Variants in GABRG3 observed in about 807,000 individuals in gnomAD.
The protein encoded by GABRG3 is gamma-aminobutyric acid type A receptor subunit gamma3.
In GABRG3, 25 loss-of-function variants were observed where a neutral mutation model predicts 48.8. The ratio of observed to expected loss-of-function variants is 0.51; its 90% CI spans 0.37 to 0.72. The LOEUF (loss-of-function observed/expected upper bound fraction) is 0.72. Ranked by LOEUF, GABRG3 falls within the 30% of genes least tolerant of loss-of-function variation. GABRG3 has a pLI of 0.00. For missense variants in GABRG3, 394 were observed against 577.9 expected, an observed-to-expected ratio of 0.68 and a Z score of 3.26; for synonymous variants, 227 against 217.6, an observed-to-expected ratio of 1.04 and a Z score of -0.38.
Position 27,382,794 on chromosome 15 carries a change from T to C in GABRG3, c.574+53906T>C, listed in dbSNP as rs143550297. 1.2e-4 allele frequency among the ~76,000 whole-genome samples: 18 copies of C among 152,148 alleles called. No homozygotes were observed. In the East Asian group the frequency reaches 3.3e-3, roughly 28 times the overall value. ...ATGAGCAGAGAGAGGAGTCATAGTA[T>C]CAAGTTGTTGTTTACAGAGATGAGG... On this transcript the variant is annotated intron_variant, in intron 5 of 9. Coordinates refer to ENST00000615808, the MANE Select transcript of GABRG3 (RefSeq NM_033223.5).
intron 3 of GABRG3, among the ~76,000 whole-genome samples, chr15:27,192,560 T>C (rs1162710227): frequency 2.0e-5 from 3 of 152,230 alleles, no homozygotes; most frequent in Non-Finnish European, 4.4e-5. Flanking sequence ...TCTTGAGCCT[T>C]GGTTTTCAGC....
chr15:27,141,216 G>A (rs1898096931), intron 3 of GABRG3, among the ~76,000 whole-genome samples: 1 of 152,150 alleles, frequency 6.6e-6, no homozygotes, highest in Non-Finnish European at 1.5e-5. Context: ...ATAAGAATTA[G>A]ACCGCTTTGT....
chr15:27,328,378 AAG>A (rs1042493657), intron 4 of GABRG3, among the ~76,000 whole-genome samples: 1 of 152,196 alleles, frequency 6.6e-6, no homozygotes, highest in Non-Finnish European at 1.5e-5. Flanking sequence ...TGCCTAGTGA[AAG>A]AGGGGCAGTT....
chr15:27,166,942 C>A (rs1453025626), intron 3 of GABRG3, among the ~76,000 whole-genome samples: 1 of 152,110 alleles, frequency 6.6e-6, no homozygotes, highest in African/African-American at 2.4e-5. Flanking sequence ...TTATTGAAAA[C>A]CGAAGAGAAA....
intron 2 of GABRG3, among the ~76,000 whole-genome samples, chr15:27,016,552 C>T (rs1895782685): frequency 6.6e-6 from 1 of 152,080 alleles, no homozygotes; most frequent in African/African-American, 2.4e-5. Flanking sequence ...TGACTTTTGA[C>T]AGTTGGATTA....
At chr15:27,080,978 G>A (rs572289531) in intron 3 of GABRG3, among the ~76,000 whole-genome samples, 12 of 152,258 alleles carry the variant, frequency 7.9e-5, no homozygotes, top group Admixed American at 5.2e-4. Context: ...GAGACCTCTC[G>A]GAGAAGAGGC....
intron 5 of GABRG3, among the ~76,000 whole-genome samples, chr15:27,388,094 G>GGAGGGA: frequency 2.1e-5 from 1 of 48,270 alleles, no homozygotes; most frequent in Non-Finnish European, 4.0e-5. Flanking sequence ...AAGGAGGGAG[G>GGAGGGA]AAAGGGAGGG....
At chr15:27,467,759 T>C (rs779120278) in intron 5 of GABRG3, among the ~76,000 whole-genome samples, 5 of 152,162 alleles carry the variant, frequency 3.3e-5, no homozygotes, top group Admixed American at 6.5e-5. Flanking sequence ...TGTGAAAGAG[T>C]ACTTTAAAGT....
chr15:27,430,471 T>G (rs1306881473), intron 5 of GABRG3, among the ~76,000 whole-genome samples: 1 of 152,218 alleles, frequency 6.6e-6, no homozygotes, highest in Non-Finnish European at 1.5e-5. Context: ...AATTCCATTG[T>G]CTAGTGAAGA....
At chr15:27,334,184 CTGTTT>C (rs1893889732) in intron 5 of GABRG3, among the ~76,000 whole-genome samples, 1 of 152,274 alleles carries the variant, frequency 6.6e-6, no homozygotes, top group African/African-American at 2.4e-5. Flanking sequence ...ATGTCATAAT[CTGTTT>C]TAAGTCAACT....
In GABRG3 at chr15:27,510,544, G is replaced by A. The variant is rs1595801507; in HGVS notation, c.713-9428G>A. 2.6e-5 allele frequency among the ~76,000 whole-genome samples: 4 copies of A among 152,300 alleles called. No homozygotes were observed. In the South Asian group the frequency reaches 8.3e-4, roughly 32 times the overall value. On this transcript the variant is annotated intron_variant, in intron 6 of 9. Transcript: ENST00000615808. ...GAGTTCTGTCATCCTCTCCCAGGCG[G>A]CCCCATGGGGAGGCTTTCTCAGGAT...
At chr15:27,047,444 C>G (rs1896383883) in intron 3 of GABRG3, among the ~76,000 whole-genome samples, 1 of 152,180 alleles carries the variant, frequency 6.6e-6, no homozygotes. Context: ...GCCCTGACGT[C>G]ATATCATAGT....
rs1888947745 is a variant in GABRG3 at position 27,446,466 on chromosome 15, C to T, written c.575-34184C>T. Among the ~76,000 whole-genome samples, 2 of 152,048 alleles carry T rather than the reference C, an allele frequency of 1.3e-5. 1 individual carries two copies. The highest frequency in any genetic ancestry group is 4.8e-5 in the African/African-American group (2 of 41,396). On this transcript the variant is annotated intron_variant, in intron 5 of 9. Transcript: ENST00000615808. ...ATTTTCTTATCTTGCTGTTTTCAGCCACCGTCCATATATCAGCATGAAGGA... is the reference window on the plus strand; with the variant it reads ...ATTTTCTTATCTTGCTGTTTTCAGCTACCGTCCATATATCAGCATGAAGGA...
intron 3 of GABRG3, among the ~76,000 whole-genome samples, chr15:27,083,885 G>A (rs555455255): frequency 2.4e-4 from 36 of 152,228 alleles, no homozygotes; most frequent in African/African-American, 7.2e-4. Context: ...TCTTCAATAA[G>A]CCTCCGTGTT....
chr15:27,045,849 G>A (rs1483895837), intron 3 of GABRG3, among the ~76,000 whole-genome samples: 2 of 152,168 alleles, frequency 1.3e-5, no homozygotes, highest in Non-Finnish European at 2.9e-5. Context: ...AAGGCCACCT[G>A]TCTTCACTTT....
intron 3 of GABRG3, among the ~76,000 whole-genome samples, chr15:27,303,614 CATTTT>C (rs1487913942): frequency 2.6e-5 from 4 of 151,642 alleles, no homozygotes; most frequent in African/African-American, 7.3e-5. Flanking sequence ...TATCCCAACT[CATTTT>C]ATGAGGCTGG....
rs570466427 is a variant in GABRG3, at chr15:27,285,701, T to C, written c.271-41108T>C. On this transcript the variant is annotated intron_variant, in intron 3 of 9. Coordinates refer to ENST00000615808, the MANE Select transcript of GABRG3 (RefSeq NM_033223.5). ...ATTAGACACTGAGCTATTCCAGCTT[T>C]TTTCATGGTCCTGTTTCTGACTACA... is the stretch of plus-strand genomic sequence containing the variant. Among the ~76,000 whole-genome samples, 13 of 152,266 alleles carry C rather than the reference T, an allele frequency of 8.5e-5. No homozygotes were observed. In the South Asian group the frequency reaches 2.5e-3, roughly 29 times the overall value.
At chr15:27,512,600 T>G (rs907491025) in intron 6 of GABRG3, among the ~76,000 whole-genome samples, 5 of 152,336 alleles carry the variant, frequency 3.3e-5, no homozygotes, top group African/African-American at 1.2e-4. Flanking sequence ...GCACTGATAG[T>G]ATTTAAACTC....
intron 3 of GABRG3, among the ~76,000 whole-genome samples, chr15:27,153,896 T>C (rs1898369055): frequency 6.6e-6 from 1 of 152,206 alleles, no homozygotes; most frequent in Non-Finnish European, 1.5e-5. Flanking sequence ...GCTTTCTCTC[T>C]TCAGATTGTG....
Sources: gnomAD v4.1 joint callset for allele counts (sites outside exome capture counted in the v4.1 genomes callset) on GRCh38, gnomAD v4.1.1 for gene constraint, MANE v1.5 for transcripts, NCBI Gene and HGNC (gene_info 2026-07-23, HGNC 2026-07-21) for gene names.